The following RSU1 variants were observed in gnomAD, a reference collection of about 807,000 sequenced individuals.
RSU1 encodes Ras suppressor protein 1.
RSU1 carries 26 observed loss-of-function variants against 31.1 expected under a neutral mutation model. That is an observed-to-expected ratio of 0.84 (90% CI 0.61 to 1.16). RSU1 has a LOEUF of 1.16. Ranked by LOEUF, RSU1 falls within the 50% of genes most tolerant of loss-of-function variation. RSU1 has a pLI of 0.00. For missense variants in RSU1, 320 were observed against 339.1 expected, an observed-to-expected ratio of 0.94 and a Z score of 0.44; for synonymous variants, 164 against 136.3, an observed-to-expected ratio of 1.20 and a Z score of -1.41.
At chr10:16,709,711 C>T (rs980129681) in intron 7 of RSU1, among the ~76,000 whole-genome samples, 2 of 152,164 alleles carry the variant, frequency 1.3e-5, no homozygotes, top group African/African-American at 4.8e-5. Flanking sequence ...GATGGTATCT[C>T]ATTGTGGTTT....
chr10:16,674,522 C>T (rs1256833811), intron 8 of RSU1, among the ~76,000 whole-genome samples: 1 of 151,604 alleles, frequency 6.6e-6, no homozygotes, highest in Non-Finnish European at 1.5e-5. Flanking sequence ...CAGGCAATGT[C>T]TGAAGCTCCT....
At chr10:16,813,452 T>A (rs927072651) in intron 2 of RSU1, among the ~76,000 whole-genome samples, 2 of 152,200 alleles carry the variant, frequency 1.3e-5, no homozygotes, top group Non-Finnish European at 2.9e-5. Flanking sequence ...CTGAGACATA[T>A]GGGTCTATAG....
chr10:16,786,704 T>G (rs1345560624), intron 2 of RSU1, among the ~76,000 whole-genome samples: 1 of 152,136 alleles, frequency 6.6e-6, no homozygotes, highest in Non-Finnish European at 1.5e-5. Context: ...CAGGGCTCAT[T>G]CTAGTTTTCT....
At chr10:16,787,479 G>A (rs1009462937) in intron 2 of RSU1, among the ~76,000 whole-genome samples, 1 of 152,054 alleles carries the variant, frequency 6.6e-6, no homozygotes, top group South Asian at 2.1e-4. Context: ...GGCCACCCCT[G>A]AACGCCTCTG....
chr10:16,672,891 T>C (rs1835138310), intron 8 of RSU1, among the ~76,000 whole-genome samples: 1 of 152,230 alleles, frequency 6.6e-6, no homozygotes, highest in South Asian at 2.1e-4. Flanking sequence ...TGCCAATTGT[T>C]GTCAAATAAA....
intron 2 of RSU1, among the ~76,000 whole-genome samples, chr10:16,794,847 A>AAAAGC (rs1255165761): frequency 1.3e-5 from 2 of 152,384 alleles, no homozygotes; most frequent in South Asian, 2.1e-4. Context: ...AATAAGACAC[A>AAAAGC]AAAGCAAAGC....
intron 8 of RSU1, among the ~76,000 whole-genome samples, chr10:16,652,555 C>A (rs1375741801): frequency 6.6e-6 from 1 of 152,094 alleles, no homozygotes; most frequent in South Asian, 2.1e-4. Context: ...ATTATATACA[C>A]ACAAACACAC....
intron 8 of RSU1, among the ~76,000 whole-genome samples, chr10:16,593,786 C>T (rs1833555814): frequency 6.6e-6 from 1 of 152,206 alleles, no homozygotes; most frequent in African/African-American, 2.4e-5. Flanking sequence ...AGTTCAAAAG[C>T]TTATGAGTGT....
intron 8 of RSU1, among the ~76,000 whole-genome samples, chr10:16,642,930 AT>A (rs1834471075): frequency 1.3e-5 from 2 of 152,232 alleles, no homozygotes; most frequent in South Asian, 4.1e-4. Flanking sequence ...AAAACTACCA[AT>A]GCTTATAATT....
chr10:16,800,897 AAG>A (rs1173045493), intron 2 of RSU1, among the ~76,000 whole-genome samples: 1 of 152,058 alleles, frequency 6.6e-6, no homozygotes, highest in Admixed American at 6.5e-5. Context: ...ATGTTGTGAG[AAG>A]AGAAAATGAA....
chr10:16,648,532 C>T (rs1022740529), intron 8 of RSU1, among the ~76,000 whole-genome samples: 4 of 152,062 alleles, frequency 2.6e-5, no homozygotes, highest in African/African-American at 7.2e-5. Context: ...CTACAGTTAG[C>T]CAAGTCTATG....
rs866305152 is a variant in RSU1, at chr10:16,805,556, A to G, written c.109+11417T>C. On this transcript the variant is annotated intron_variant, in intron 2 of 8. Coordinates refer to ENST00000345264, the MANE Select transcript of RSU1 (RefSeq NM_012425.4). ...CCAGGCGTTGTGGCGGGCGCCTGTAATCCCAGTTACTCGGGAGGCTGAGGC... is the reference window on the plus strand; with the variant it reads ...CCAGGCGTTGTGGCGGGCGCCTGTAGTCCCAGTTACTCGGGAGGCTGAGGC... Among the ~76,000 whole-genome samples the G allele has an allele frequency of 1.6e-4, 24 of 151,144 alleles. No individual in the cohort carries two copies. The South Asian group carries it at 4.4e-3, about 28-fold the overall frequency.
rs1026661922 is a variant in RSU1 at position 16,592,192 on chromosome 10, C to T, written c.*1202G>A. 2.0e-5 allele frequency: 3 copies of T among 151,948 alleles called. No homozygotes were observed. Among genetic ancestry groups the T allele is most frequent in the Admixed American group, 6.6e-5 (1 of 15,254 alleles). 9.4% of individuals were successfully genotyped at this position (151,948 alleles called of 1,614,324 possible). Reference sequence around the variant, plus strand: ...GGTCTTGGGAGCTCAACTGGGAAGCCGAAAGGACACAGCAGAGAAGGGCAG... The same window carrying T: ...GGTCTTGGGAGCTCAACTGGGAAGCTGAAAGGACACAGCAGAGAAGGGCAG... On this transcript the variant is annotated 3_prime_UTR_variant, in exon 9 of 9. Coordinates refer to ENST00000345264, the MANE Select transcript of RSU1 (RefSeq NM_012425.4).
intron 3 of RSU1, among the ~76,000 whole-genome samples, chr10:16,781,824 AAAAAG>A (rs898389015): frequency 2.0e-5 from 3 of 152,250 alleles, no homozygotes; most frequent in Admixed American, 6.5e-5. Context: ...TTGTCTCAAA[AAAAAG>A]AAAAGAATCT....
chr10:16,804,586 T>A (rs1838226675), intron 2 of RSU1, among the ~76,000 whole-genome samples: 1 of 152,236 alleles, frequency 6.6e-6, no homozygotes. Flanking sequence ...AATAGGTGAA[T>A]GGATAACCAA....
At chr10:16,629,051 C>T (rs1408451694) in intron 8 of RSU1, among the ~76,000 whole-genome samples, 2 of 152,178 alleles carry the variant, frequency 1.3e-5, no homozygotes, top group Non-Finnish European at 2.9e-5. Flanking sequence ...AACACCGCTG[C>T]CATGGAGTGA....
At chr10:16,620,136 G>A (rs1834044469) in intron 8 of RSU1, among the ~76,000 whole-genome samples, 1 of 152,122 alleles carries the variant, frequency 6.6e-6, no homozygotes, top group South Asian at 2.1e-4. Flanking sequence ...CAGTGGTGTG[G>A]CTTTGAGCAG....
intron 8 of RSU1, among the ~76,000 whole-genome samples, chr10:16,628,717 TG>T (rs1355921707): frequency 6.6e-6 from 1 of 152,232 alleles, no homozygotes; most frequent in African/African-American, 2.4e-5. Context: ...GGAAAAAATA[TG>T]GGGCAAAGTG....
chr10:16,695,205 A>AG, intron 7 of RSU1, 50 bp from the exon 8 acceptor site: 1 of 1,538,920 alleles, frequency 6.5e-7, no homozygotes, highest in Non-Finnish European at 8.8e-7. Context: ...AATACAGATC[A>AG]GGTCTAAGAA....
Sources: gnomAD v4.1 joint callset for allele counts (sites outside exome capture counted in the v4.1 genomes callset) on GRCh38, gnomAD v4.1.1 for gene constraint, MANE v1.5 for transcripts, NCBI Gene and HGNC (gene_info 2026-07-23, HGNC 2026-07-21) for gene names.